Variants in CCAR1 observed in about 807,000 individuals in gnomAD.
CCAR1 encodes the protein cell division cycle and apoptosis regulator protein 1.
Under a neutral mutation model 163.8 loss-of-function variants are expected in CCAR1, and 78 were observed. The ratio of observed to expected loss-of-function variants is 0.48; its 90% CI spans 0.40 to 0.57. The LOEUF (loss-of-function observed/expected upper bound fraction) is 0.57. Among genes scored for constraint, CCAR1 ranks in the 20% least tolerant of loss-of-function variants. The pLI, the probability that CCAR1 is intolerant of heterozygous loss-of-function variation, is 0.00. For synonymous variants in CCAR1, 443 were observed against 460.7 expected (o/e 0.96, Z 0.49); for missense variants, 1,019 against 1,365.2 (o/e 0.75, Z 4.00).
Position 68,786,546 on chromosome 10 carries a change from G to T in CCAR1, c.2734G>T (p.Glu912Ter). Reference protein sequence around the residue: ...YCKERPSKDKEKEKTQMITIN... With the variant: ...YCKERPSKDK ...GTTTTCTACTTCTCCATTTTCTTAG[G>T]AAAAAGAAAAGACTCAAATGATCAC... Residue 912 changes from glutamate (E) to a stop codon, truncating the protein, a stop_gained and splice_region_variant, in exon 21 of 25, where the codon GAA becomes TAA. Coordinates refer to ENST00000265872, the MANE Select transcript of CCAR1 (RefSeq NM_018237.4). LOFTEE classifies it high-confidence loss of function. 1 of 1,551,990 alleles carries T rather than the reference G, an allele frequency of 6.4e-7. No homozygotes were observed. Among genetic ancestry groups the T allele is most frequent in the South Asian group, 1.2e-5 (1 of 82,078 alleles).
chr10:68,737,673 TTTA>T (rs1242651049), intron 3 of CCAR1, among the ~76,000 whole-genome samples, 169 bp from the exon 4 acceptor site: 2 of 151,914 alleles, frequency 1.3e-5, no homozygotes, highest in East Asian at 1.9e-4. Context: ...AAAATTTATC[TTTA>T]TTATTATTAT....
At chr10:68,767,152 A>C (rs2056546310) in intron 17 of CCAR1, among the ~76,000 whole-genome samples, 1 of 152,202 alleles carries the variant, frequency 6.6e-6, no homozygotes, top group Admixed American at 6.5e-5. Flanking sequence ...TTTTCTCTAG[A>C]ATTAAAATAG....
At chr10:68,762,039 A>G (rs1203258853) in intron 16 of CCAR1, among the ~76,000 whole-genome samples, 1 of 152,046 alleles carries the variant, frequency 6.6e-6, no homozygotes, top group Admixed American at 6.5e-5. Context: ...AAACAGTTCT[A>G]GGTAAAAAGG....
chr10:68,755,444 A>G lies in CCAR1; in HGVS notation c.1533A>G (p.Pro511=). ...GGHWSPSLDG[P]DPEKDPSVLI... is the part of the protein sequence containing the mutation. Reference sequence around the variant, plus strand: ...ACTGGTCTCCTTCGTTGGATGGACCAGACCCAGAAAAAGATCCCTCTGTGT... The same window carrying G: ...ACTGGTCTCCTTCGTTGGATGGACCGGACCCAGAAAAAGATCCCTCTGTGT... The change falls in exon 13 of 25, where the codon CCA becomes CCG. Residue 511 remains proline, a synonymous_variant. Coordinates refer to ENST00000265872, the MANE Select transcript of CCAR1 (RefSeq NM_018237.4). 1 of 1,614,222 alleles carries G rather than the reference A, an allele frequency of 6.2e-7. No homozygotes were observed. The highest frequency in any genetic ancestry group is 1.1e-5 in the South Asian group (1 of 91,088).
At position 68,736,769 on chromosome 10, in the gene CCAR1, C is replaced by T. The variant is rs981541792; in HGVS notation, c.74-107C>T. On this transcript the variant is annotated intron_variant, in intron 2 of 24. Transcript: ENST00000265872. ...CATATCTTGACTATTGTGAATAGTGCTGGAGTGAACATGGGGGTGCGGGTA... is the reference window on the plus strand; with the variant it reads ...CATATCTTGACTATTGTGAATAGTGTTGGAGTGAACATGGGGGTGCGGGTA... 3 of 871,188 alleles carry T rather than the reference C, an allele frequency of 3.4e-6. No individual in the cohort carries two copies. In the African/African-American group the frequency reaches 5.1e-5, roughly 15 times the overall value. 54.0% of individuals were successfully genotyped at this position (871,188 alleles called of 1,614,324 possible).
chr10:68,787,768 G>A (rs2056811819), intron 21 of CCAR1, 159 bp from the exon 22 acceptor site: 3 of 568,630 alleles, frequency 5.3e-6, no homozygotes, highest in Admixed American at 3.7e-5. Flanking sequence ...CTGGGAAGTG[G>A]AGGTTGTAGT....
chr10:68,774,082 G>T (rs2056634186), intron 19 of CCAR1, among the ~76,000 whole-genome samples: 1 of 151,908 alleles, frequency 6.6e-6, no homozygotes, highest in Non-Finnish European at 1.5e-5. Context: ...AGTAGAGATG[G>T]AGTTTCTCCA....
intron 19 of CCAR1, among the ~76,000 whole-genome samples, chr10:68,783,451 G>T (rs1392437991): frequency 1.3e-5 from 2 of 152,038 alleles, no homozygotes; most frequent in Non-Finnish European, 2.9e-5. Flanking sequence ...GGGATTACAG[G>T]CGTGAGCCAC....
At chr10:68,785,223 C>CTTT (rs762164164) in intron 19 of CCAR1, among the ~76,000 whole-genome samples, 2 of 137,022 alleles carry the variant, frequency 1.5e-5, no homozygotes, top group Admixed American at 7.4e-5. Context: ...GGCCCTATAA[C>CTTT]TTTTTTTTTT....
rs999816336 is a variant in CCAR1, at chr10:68,725,262, G to A, written c.73+2685G>A. On this transcript the variant is annotated intron_variant, in intron 2 of 24. Transcript: ENST00000265872. ...GGCATATCACTGAGGTCGGGAGTTC[G>A]AGACCAGCTTGACCAACACAGTGAA... is the stretch of plus-strand genomic sequence containing the variant. Among the ~76,000 whole-genome samples, 23 of 152,074 alleles carry A rather than the reference G, an allele frequency of 1.5e-4. No individual in the cohort carries two copies. The Middle Eastern group carries it at 0.01, about 67-fold the overall frequency.
At chr10:68,743,773 CAG>C (rs60703385) in intron 6 of CCAR1, among the ~76,000 whole-genome samples, 11,359 of 150,634 alleles carry the variant, frequency 0.075, 1,231 homozygotes, top group African/African-American at 0.24. Context: ...TACTTTGAGA[CAG>C]AGTCTCGCTC....
At chr10:68,758,570 TAC>T (rs2056425553) in intron 15 of CCAR1, among the ~76,000 whole-genome samples, 2 of 150,364 alleles carry the variant, frequency 1.3e-5, no homozygotes, top group Non-Finnish European at 3.0e-5. Context: ...TATATATATG[TAC>T]ACACGTTTGT....
At chr10:68,781,282 C>T (rs1285054890) in intron 19 of CCAR1, among the ~76,000 whole-genome samples, 1 of 151,844 alleles carries the variant, frequency 6.6e-6, no homozygotes, top group Non-Finnish European at 1.5e-5. Flanking sequence ...GTGGCTCATA[C>T]CTGTAATCCC....
At chr10:68,748,717 T>G (rs887229192) in intron 8 of CCAR1, among the ~76,000 whole-genome samples, 10 of 152,108 alleles carry the variant, frequency 6.6e-5, no homozygotes, top group African/African-American at 2.4e-4. Flanking sequence ...TTTTCTTTTT[T>G]TCTTTCTTTT....
chr10:68,764,498 A>C (rs1006233144), intron 16 of CCAR1, among the ~76,000 whole-genome samples: 21 of 151,120 alleles, frequency 1.4e-4, no homozygotes, highest in African/African-American at 4.9e-4. Flanking sequence ...TCACACCACT[A>C]CTCTCTAGCC....
chr10:68,748,636 C>G (rs970283882), intron 8 of CCAR1, among the ~76,000 whole-genome samples: 7 of 151,698 alleles, frequency 4.6e-5, no homozygotes, highest in Admixed American at 3.9e-4. Flanking sequence ...ACTACAGGTG[C>G]GCGCCACCCC....
intron 11 of CCAR1, among the ~76,000 whole-genome samples, chr10:68,754,305 G>A (rs1323287808): frequency 2.6e-5 from 4 of 152,192 alleles, no homozygotes; most frequent in East Asian, 3.9e-4. Flanking sequence ...TATTAAAAAT[G>A]TGAAGATAAA....
In CCAR1 at chr10:68,727,316, A is replaced by G. The variant is rs149234246; in HGVS notation, c.73+4739A>G. Among the ~76,000 whole-genome samples, 43 of 152,042 alleles carry G rather than the reference A, an allele frequency of 2.8e-4. 1 individual carries two copies. The East Asian group carries it at 8.0e-3, about 28-fold the overall frequency. On this transcript the variant is annotated intron_variant, in intron 2 of 24. Coordinates refer to ENST00000265872, the MANE Select transcript of CCAR1 (RefSeq NM_018237.4). ...GGTCTTGAATTCCTGAGCTCAGACA[A>G]TCCGCCCATCGTGGCCTCCCAAAGC...
At chr10:68,750,612 A>G (rs2056319310) in intron 10 of CCAR1, among the ~76,000 whole-genome samples, 1 of 152,208 alleles carries the variant, frequency 6.6e-6, no homozygotes, top group Non-Finnish European at 1.5e-5. Flanking sequence ...CATGTATCCA[A>G]AGGACTTAAC....
Sources: gnomAD v4.1 joint callset for allele counts (sites outside exome capture counted in the v4.1 genomes callset) on GRCh38, gnomAD v4.1.1 for gene constraint, MANE v1.5 for transcripts, NCBI Gene and HGNC (gene_info 2026-07-23, HGNC 2026-07-21) for gene names.